The following CPAP variants were observed in gnomAD, a reference collection of about 807,000 sequenced individuals.
CPAP encodes centrosome assembly and centriole elongation protein, also known as centrosomal P4.1-associated protein.
At chr13:24,884,049 C>T in the CPAP span, 64 of 1,613,748 alleles carry the variant, frequency 4.0e-5, no homozygotes, top group African/African-American at 8.0e-5. Context: ...GGTCAGGAAA[C>T]GTGATTTCTT....
At chr13:24,909,599 T>C in the CPAP span, among the ~76,000 whole-genome samples, 11 of 151,476 alleles carry the variant, frequency 7.3e-5, no homozygotes, top group Admixed American at 6.6e-4. Context: ...AGCACGTGCC[T>C]ATAGTCCCAG....
At chr13:24,907,020 T>C in the CPAP span, 1 of 1,598,124 alleles carries the variant, frequency 6.3e-7, no homozygotes, top group Non-Finnish European at 8.6e-7. Context: ...CTCAAAGTTA[T>C]TTTTAAGGCA....
At chr13:24,883,436 T>A in the CPAP span, 3 of 1,285,356 alleles carry the variant, frequency 2.3e-6, no homozygotes, top group Non-Finnish European at 3.2e-6. Context: ...ACAGAAAAAC[T>A]ACTGAAAAGT....
chr13:24,912,069 G>A, the CPAP span: 1 of 1,612,696 alleles, frequency 6.2e-7, no homozygotes, highest in Non-Finnish European at 8.5e-7. Flanking sequence ...ACTTCTTTCA[G>A]CTTTTTAAAT....
chr13:24,895,391 C>G, the CPAP span, among the ~76,000 whole-genome samples: 1 of 151,800 alleles, frequency 6.6e-6, no homozygotes, highest in Non-Finnish European at 1.5e-5. Context: ...CTGGCTAACA[C>G]GGTGAAACCC....
At chr13:24,922,608 C>G in the CPAP span, among the ~76,000 whole-genome samples, 2 of 152,240 alleles carry the variant, frequency 1.3e-5, no homozygotes, top group African/African-American at 4.8e-5. Context: ...TCAGCGCGCC[C>G]GTGGGCCTGA....
the CPAP span, among the ~76,000 whole-genome samples, chr13:24,911,485 GCAGGGGTTGGATAC>G: frequency 2.0e-5 from 3 of 152,212 alleles, no homozygotes; most frequent in African/African-American, 7.2e-5. Context: ...CATTCATCAG[GCAGGGGTTGGATAC>G]CAGCAGCAGC....
the CPAP span, chr13:24,908,112 A>G: frequency 1.4e-5 from 22 of 1,611,268 alleles, no homozygotes; most frequent in Non-Finnish European, 1.7e-5. Context: ...TTCTCCCAAC[A>G]TAAGATACTT....
the CPAP span, chr13:24,912,838 T>C: frequency 6.2e-7 from 1 of 1,614,212 alleles, no homozygotes; most frequent in Non-Finnish European, 8.5e-7. Context: ...GCTGAAGCTA[T>C]CAGAAAAATG....
the CPAP span, chr13:24,908,121 T>C: frequency 1.9e-5 from 31 of 1,607,840 alleles, no homozygotes; most frequent in Non-Finnish European, 2.6e-5. Flanking sequence ...CATAAGATAC[T>C]TTCTCCTGAG....
At chr13:24,906,453 A>G in the CPAP span, 1 of 1,614,116 alleles carries the variant, frequency 6.2e-7, no homozygotes, top group African/African-American at 1.3e-5. Flanking sequence ...GGCCCTGTTG[A>G]AAGAGGAAGT....
the CPAP span, among the ~76,000 whole-genome samples, chr13:24,902,532 T>C: frequency 2.3e-4 from 35 of 152,234 alleles, no homozygotes; most frequent in African/African-American, 6.8e-4. Flanking sequence ...AGTAACCGAA[T>C]TTCCTTTTTA....
chr13:24,894,202 A>G, the CPAP span, among the ~76,000 whole-genome samples: 1 of 152,216 alleles, frequency 6.6e-6, no homozygotes, highest in Non-Finnish European at 1.5e-5. Context: ...GAAGGAAAGC[A>G]GAGGCATATG....
the CPAP span, among the ~76,000 whole-genome samples, chr13:24,907,536 A>G: frequency 6.6e-6 from 1 of 152,190 alleles, no homozygotes; most frequent in Admixed American, 6.5e-5. Flanking sequence ...AAAGGCCCTT[A>G]ATGTGAGAAC....
the CPAP span, among the ~76,000 whole-genome samples, chr13:24,894,874 G>A: frequency 3.9e-5 from 6 of 152,150 alleles, no homozygotes; most frequent in South Asian, 1.2e-3. Context: ...TAGGCTGGGG[G>A]ACTGGTGAGG....
At chr13:24,905,888 G>A in the CPAP span, 8 of 1,613,998 alleles carry the variant, frequency 5.0e-6, no homozygotes, top group East Asian at 4.5e-5. Context: ...ATCCTCAGTC[G>A]ATGGTTTTAT....
chr13:24,907,114 C>G, the CPAP span: 50 of 1,613,812 alleles, frequency 3.1e-5, no homozygotes, highest in African/African-American at 5.9e-4. Context: ...TGCTTCAGTT[C>G]TTGCTCTTCC....
chr13:24,883,507 A>G, the CPAP span: 1 of 636,220 alleles, frequency 1.6e-6, no homozygotes, highest in Non-Finnish European at 2.7e-6. Flanking sequence ...ATACAATTGT[A>G]ACTTTCTACA....
chr13:24,918,004 G>T, the CPAP span, among the ~76,000 whole-genome samples: 29 of 152,296 alleles, frequency 1.9e-4, no homozygotes, highest in East Asian at 5.2e-3. Context: ...TGTTGCATTG[G>T]GAATTAAGTT....
Sources: allele counts gnomAD v4.1 joint callset (sites outside exome capture counted in the v4.1 genomes callset), GRCh38; gene constraint gnomAD v4.1.1; transcripts MANE v1.5; gene names NCBI Gene and HGNC (gene_info 2026-07-23, HGNC 2026-07-21).